Variants in DFFB observed in about 807,000 individuals in gnomAD.
DFFB encodes DNA fragmentation factor subunit beta, also known as DNA fragmentation factor 40 kDa subunit.
In DFFB, 29 loss-of-function variants were observed where a neutral mutation model predicts 32.7. The observed-to-expected ratio is 0.89, with a 90% CI of 0.66 to 1.21. DFFB has a LOEUF of 1.21. Ranked by LOEUF, DFFB falls within the 50% of genes most tolerant of loss-of-function variation. DFFB has a pLI of 0.00. For synonymous variants in DFFB, 170 were observed against 177.1 expected, an observed-to-expected ratio of 0.96 and a Z score of 0.32; for missense variants, 398 against 440.6, an observed-to-expected ratio of 0.90 and a Z score of 0.87.
At chr1:3,882,270 G>T (rs1645355551) in intron 6 of DFFB, among the ~76,000 whole-genome samples, 1 of 152,056 alleles carries the variant, frequency 6.6e-6, no homozygotes, top group Non-Finnish European at 1.5e-5. Flanking sequence ...GGCCAGGCTG[G>T]TCTCAAACTC....
At chr1:3,880,561 G>A (rs35259658) in intron 6 of DFFB, among the ~76,000 whole-genome samples, 2 of 152,146 alleles carry the variant, frequency 1.3e-5, no homozygotes, top group Non-Finnish European at 2.9e-5. Flanking sequence ...TGCCGCTGCT[G>A]GGTCTGCCTC....
intron 3 of DFFB, among the ~76,000 whole-genome samples, chr1:3,867,005 CCA>C (rs202180794): frequency 0.056 from 8,470 of 152,220 alleles, 431 homozygotes; most frequent in African/African-American, 0.13. Context: ...ACGCCATTCT[CCA>C]GCCTCAGCCT....
intron 4 of DFFB, 65 bp from the exon 5 acceptor site, chr1:3,869,540 C>T (rs977866022): frequency 1.4e-5 from 21 of 1,509,256 alleles, no homozygotes; most frequent in South Asian, 2.4e-5. Context: ...TGAGATGGAT[C>T]GAGAGCCAGT....
chr1:3,875,712 C>A (rs1253760636), intron 6 of DFFB, among the ~76,000 whole-genome samples: 2 of 152,156 alleles, frequency 1.3e-5, no homozygotes, highest in African/African-American at 2.4e-5. Flanking sequence ...GGGCTATGGT[C>A]TTATTTGTGG....
At chr1:3,877,296 C>T (rs1352019485) in intron 6 of DFFB, among the ~76,000 whole-genome samples, 3 of 149,752 alleles carry the variant, frequency 2.0e-5, no homozygotes, top group African/African-American at 7.4e-5. Context: ...GTAGTTCCTC[C>T]TAGGCTGCAT....
intron 6 of DFFB, 48 bp from the exon 7 acceptor site, chr1:3,883,459 T>C: frequency 1.3e-6 from 2 of 1,560,512 alleles, no homozygotes; most frequent in South Asian, 1.1e-5. Context: ...ACCTGTTGCC[T>C]GTGGCACTGT....
chr1:3,883,404 CTT>C, intron 6 of DFFB, 101 bp from the exon 7 acceptor site: 1 of 1,106,442 alleles, frequency 9.0e-7, no homozygotes, highest in Non-Finnish European at 1.3e-6. Flanking sequence ...CGTGATAGCA[CTT>C]AGGGGAATTT....
chr1:3,859,988 GTCTC>G (rs909159573), intron 2 of DFFB, among the ~76,000 whole-genome samples: 4 of 150,978 alleles, frequency 2.6e-5, no homozygotes, highest in South Asian at 4.2e-4. Flanking sequence ...GTCTGTCTCT[GTCTC>G]TCTCTCTCTC....
At chr1:3,882,688 G>T (rs12075759) in intron 6 of DFFB, among the ~76,000 whole-genome samples, 2 of 152,018 alleles carry the variant, frequency 1.3e-5, no homozygotes, top group Admixed American at 1.3e-4. Context: ...AAACAGATAC[G>T]CATATATGCA....
At chr1:3,878,420 G>A (rs1261161450) in intron 6 of DFFB, among the ~76,000 whole-genome samples, 1 of 152,218 alleles carries the variant, frequency 6.6e-6, no homozygotes, top group African/African-American at 2.4e-5. Context: ...CCAAAGCGCT[G>A]GGGTTACAGG....
intron 6 of DFFB, among the ~76,000 whole-genome samples, chr1:3,874,369 C>A (rs568798719): frequency 1.8e-3 from 55 of 31,166 alleles, no homozygotes; most frequent in African/African-American, 7.0e-3. Flanking sequence ...GTAGCTGCAC[C>A]TTTACCACAC....
chr1:3,862,317 C>A (rs1271104844), intron 2 of DFFB, among the ~76,000 whole-genome samples: 1 of 152,124 alleles, frequency 6.6e-6, no homozygotes, highest in Admixed American at 6.6e-5. Context: ...CAACACAATC[C>A]CTATGAAAAT....
chr1:3,883,976 G>C lies in DFFB; in HGVS notation c.*235G>C, dbSNP rs559123602. On this transcript the variant is annotated 3_prime_UTR_variant, in exon 7 of 7. Coordinates refer to ENST00000378209, the MANE Select transcript of DFFB (RefSeq NM_004402.4). ...AGTTTCACTTTTGTTGCCCAGGCTG[G>C]AGTGTAGTGGCGCGATCTCGGCTCA... 50 of 519,338 alleles carry C rather than the reference G, an allele frequency of 9.6e-5. 1 individual carries two copies. The highest frequency in any genetic ancestry group is 9.6e-4 in the South Asian group (43 of 44,922). 32.2% of individuals were successfully genotyped at this position (519,338 alleles called of 1,614,324 possible).
At position 3,858,707 on chromosome 1, in the gene DFFB, C is replaced by G. The variant is rs373269179; in HGVS notation, c.115-11C>G. The stretch of plus-strand genomic sequence containing the variant: ...CCCTTCCTCCTCCTGTTGCTTCTCC[C>G]GTCCCTGCAGCTCCCTGAGCGCGGT... On this transcript the variant is annotated splice_polypyrimidine_tract_variant and intron_variant, in intron 1 of 6. Transcript: ENST00000378209. 68 of 1,612,724 alleles carry G rather than the reference C, an allele frequency of 4.2e-5. No homozygotes were observed. The highest frequency in any genetic ancestry group is 5.6e-5 in the Non-Finnish European group (66 of 1,179,438).
At chr1:3,872,257 A>G (rs1645130222) in intron 5 of DFFB, among the ~76,000 whole-genome samples, 1 of 152,156 alleles carries the variant, frequency 6.6e-6, no homozygotes, top group Admixed American at 6.5e-5. Context: ...TACTGAAAAT[A>G]CAAAAATTAG....
intron 6 of DFFB, among the ~76,000 whole-genome samples, chr1:3,874,404 C>T (rs74594939): frequency 3.5e-5 from 1 of 28,424 alleles, no homozygotes; most frequent in African/African-American, 1.4e-4. Flanking sequence ...CATGCACATA[C>T]GTGGCCTCCC....
intron 6 of DFFB, among the ~76,000 whole-genome samples, chr1:3,874,343 T>C (rs532036039): frequency 3.3e-3 from 197 of 60,372 alleles, no homozygotes; most frequent in Non-Finnish European, 5.4e-3. Context: ...GCCCACGCTG[T>C]GGTCTGCAGA....
intron 5 of DFFB, 43 bp from the exon 6 acceptor site, chr1:3,872,429 A>C: frequency 1.5e-6 from 2 of 1,371,478 alleles, no homozygotes; most frequent in Non-Finnish European, 1.0e-6. Context: ...AAAAAAAAAG[A>C]GACTCACTTT....
chr1:3,870,810 C>G (rs1255140117), intron 5 of DFFB, among the ~76,000 whole-genome samples: 1 of 151,550 alleles, frequency 6.6e-6, no homozygotes, highest in Admixed American at 6.6e-5. Flanking sequence ...GGACCAGGTG[C>G]TCCGGGCATG....
Sources: allele counts gnomAD v4.1 joint callset (sites outside exome capture counted in the v4.1 genomes callset), GRCh38; gene constraint gnomAD v4.1.1; transcripts MANE v1.5; gene names NCBI Gene and HGNC (gene_info 2026-07-23, HGNC 2026-07-21).